The following FAM171A1 variants were observed in gnomAD, a reference collection of about 807,000 sequenced individuals.
FAM171A1 encodes the protein family with sequence similarity 171 member A1, also known as protein FAM171A1.
FAM171A1 carries 23 observed loss-of-function variants against 74.9 expected under a neutral mutation model. The ratio of observed to expected loss-of-function variants is 0.31; its 90% CI spans 0.22 to 0.44. The LOEUF (loss-of-function observed/expected upper bound fraction) is 0.44. FAM171A1 is among the 20% of genes least tolerant of loss of function. The pLI is 1.00. For missense variants in FAM171A1, 1,162 were observed against 1,159.2 expected (o/e 1.00, Z -0.03); for synonymous variants, 527 against 505.7 (o/e 1.04, Z -0.57).
chr10:15,227,379 G>A (rs1204025506), intron 5 of FAM171A1, among the ~76,000 whole-genome samples: 1 of 151,952 alleles, frequency 6.6e-6, no homozygotes, highest in East Asian at 1.9e-4. Flanking sequence ...TGTCTGAACT[G>A]TCATTTTCTT....
chr10:15,350,257 T>A (rs369407903), intron 1 of FAM171A1, among the ~76,000 whole-genome samples: 1 of 152,140 alleles, frequency 6.6e-6, no homozygotes, highest in African/African-American at 2.4e-5. Context: ...CCTTGTCCCA[T>A]CCAAAAGCTA....
chr10:15,370,072 G>A (rs1305609017), intron 1 of FAM171A1, among the ~76,000 whole-genome samples: 1 of 149,144 alleles, frequency 6.7e-6, no homozygotes, highest in African/African-American at 2.5e-5. Flanking sequence ...CTCAGGGTGG[G>A]TGTGGGGGAC....
intron 1 of FAM171A1, among the ~76,000 whole-genome samples, chr10:15,295,248 GT>G (rs1835147425): frequency 1.3e-5 from 2 of 152,118 alleles, no homozygotes; most frequent in African/African-American, 2.4e-5. Flanking sequence ...AGCATGCCTT[GT>G]TTTTAATCCC....
intron 5 of FAM171A1, among the ~76,000 whole-genome samples, chr10:15,233,709 G>A (rs573298338): frequency 2.0e-5 from 3 of 152,110 alleles, no homozygotes; most frequent in East Asian, 1.9e-4. Flanking sequence ...GGAGACCATC[G>A]TGGCCAATGT....
At chr10:15,350,923 G>A (rs776422757) in intron 1 of FAM171A1, among the ~76,000 whole-genome samples, 12 of 152,118 alleles carry the variant, frequency 7.9e-5, no homozygotes, top group Non-Finnish European at 1.8e-4. Context: ...GATTACAGGT[G>A]TGAGCCACCA....
chr10:15,285,450 AG>A (rs1027736186), intron 1 of FAM171A1, among the ~76,000 whole-genome samples: 7 of 152,230 alleles, frequency 4.6e-5, no homozygotes, highest in Admixed American at 4.6e-4. Context: ...GAATGGGCTG[AG>A]GAAGAGGCAA....
chr10:15,317,933 G>T (rs1835441886), intron 1 of FAM171A1, among the ~76,000 whole-genome samples: 1 of 152,206 alleles, frequency 6.6e-6, no homozygotes, highest in South Asian at 2.1e-4. Flanking sequence ...TGGGACTACA[G>T]GCATGTGCTA....
intron 1 of FAM171A1, among the ~76,000 whole-genome samples, chr10:15,317,330 A>G (rs934501445): frequency 1.3e-5 from 2 of 152,176 alleles, no homozygotes; most frequent in Admixed American, 6.5e-5. Context: ...ACGAAGCATA[A>G]AACTACTTAT....
chr10:15,300,490 G>T (rs1015611464), intron 1 of FAM171A1, among the ~76,000 whole-genome samples: 3 of 152,022 alleles, frequency 2.0e-5, no homozygotes, highest in South Asian at 2.1e-4. Context: ...AGCAACAAAA[G>T]TATTCCTGAT....
intron 7 of FAM171A1, 21 bp from the exon 8 acceptor site, chr10:15,214,622 C>G: frequency 6.5e-7 from 1 of 1,538,536 alleles, no homozygotes; most frequent in South Asian, 1.3e-5. Context: ...AGACACAATC[C>G]AAAGCCAAAG....
At chr10:15,323,030 C>T (rs760957517) in intron 1 of FAM171A1, among the ~76,000 whole-genome samples, 11 of 150,958 alleles carry the variant, frequency 7.3e-5, no homozygotes, top group Non-Finnish European at 1.5e-4. Context: ...ATCCCAGCTA[C>T]TAGGGAGGCT....
In FAM171A1 at chr10:15,244,672, A is replaced by G. The variant is rs559718400; in HGVS notation, c.754+3967T>C. 4.6e-5 allele frequency among the ~76,000 whole-genome samples: 7 copies of G among 152,292 alleles called. No homozygotes were observed. The South Asian group carries it at 1.5e-3, about 32-fold the overall frequency. On this transcript the variant is annotated intron_variant, in intron 5 of 7. Transcript: ENST00000378116. ...AGACTTGGTGAGGGCATAGGGAGTA[A>G]CTGGTACCCACACAGACTTGGTGAA... is the stretch of plus-strand genomic sequence containing the variant.
At chr10:15,231,264 G>T (rs1409783987) in intron 5 of FAM171A1, among the ~76,000 whole-genome samples, 1 of 152,016 alleles carries the variant, frequency 6.6e-6, no homozygotes, top group Non-Finnish European at 1.5e-5. Flanking sequence ...GAGTGCAGTG[G>T]TGCAATCACA....
At chr10:15,317,921 G>C (rs2131844582) in intron 1 of FAM171A1, among the ~76,000 whole-genome samples, 1 of 152,358 alleles carries the variant, frequency 6.6e-6, no homozygotes, top group East Asian at 1.9e-4. Context: ...CTCCTGAGTA[G>C]CTGGGACTAC....
At chr10:15,267,211 C>A (rs752457416) in intron 3 of FAM171A1, among the ~76,000 whole-genome samples, 3 of 152,142 alleles carry the variant, frequency 2.0e-5, no homozygotes, top group Non-Finnish European at 4.4e-5. Flanking sequence ...GCTGTGGGCA[C>A]GCATGGGCAG....
chr10:15,276,913 T>C (rs1210514702), intron 2 of FAM171A1, among the ~76,000 whole-genome samples: 1 of 152,118 alleles, frequency 6.6e-6, no homozygotes, highest in African/African-American at 2.4e-5. Flanking sequence ...CTCAAACTCC[T>C]GGGCTCAAGC....
At chr10:15,239,608 T>C (rs1191965744) in intron 5 of FAM171A1, among the ~76,000 whole-genome samples, 1 of 152,172 alleles carries the variant, frequency 6.6e-6, no homozygotes, top group Non-Finnish European at 1.5e-5. Flanking sequence ...TGGCTACAAA[T>C]TCATTTTAAC....
chr10:15,271,409 T>C (rs1009482922), intron 3 of FAM171A1, among the ~76,000 whole-genome samples: 1 of 152,198 alleles, frequency 6.6e-6, no homozygotes, highest in African/African-American at 2.4e-5. Flanking sequence ...TACGTCTGAT[T>C]GGTGTACCTG....
In FAM171A1 at chr10:15,214,437, C is replaced by A. The variant is rs751001284; in HGVS notation, c.1151G>T (p.Arg384Leu). The A allele has an allele frequency of 1.2e-6, 2 of 1,614,078 alleles. No homozygotes were observed. Among genetic ancestry groups the A allele is most frequent in the African/African-American group, 1.3e-5 (1 of 75,018 alleles). The change falls in exon 8 of 8, where the codon CGC (arginine) becomes CTC (leucine). Residue 384 changes from arginine (R) to leucine (L), a missense_variant. Transcript: ENST00000378116. The part of the protein sequence containing the change: ...PGPLSVTSHG[R>L]PEAPGTKELM... Reference sequence around the variant, plus strand: ...TTCCTTCGTGCCGGGGGCCTCGGGGCGGCCGTGGCTGGTGACGGACAGCGG... The same window carrying A: ...TTCCTTCGTGCCGGGGGCCTCGGGGAGGCCGTGGCTGGTGACGGACAGCGG...
Sources: gnomAD v4.1 joint callset for allele counts (sites outside exome capture counted in the v4.1 genomes callset) on GRCh38, gnomAD v4.1.1 for gene constraint, MANE v1.5 for transcripts, NCBI Gene and HGNC (gene_info 2026-07-23, HGNC 2026-07-21) for gene names.